Variants in BBOF1 observed in about 807,000 individuals in gnomAD.
BBOF1 encodes basal body-orientation factor 1.
In BBOF1, 62 loss-of-function variants were observed where a neutral mutation model predicts 68.0. The observed-to-expected ratio is 0.91, with a 90% confidence interval of 0.74 to 1.13. The LOEUF (loss-of-function observed/expected upper bound fraction) is 1.13. BBOF1 is among the 50% of genes most tolerant of loss of function. The probability of loss-of-function intolerance (pLI) is 0.00; values close to 1 mark genes in which losing one functional copy is unlikely to be tolerated. For missense variants in BBOF1, 534 were observed against 600.1 expected (o/e 0.89, Z 1.15); for synonymous variants, 208 against 198.8 (o/e 1.05, Z -0.39).
In BBOF1 at chr14:74,019,497, G is replaced by C; in HGVS notation, c.19G>C (p.Asp7His). 1.9e-6 allele frequency: 3 copies of C among 1,606,278 alleles called. No homozygotes were observed. Among genetic ancestry groups the C allele is most frequent in the Middle Eastern group, 1.7e-4 (1 of 6,046 alleles). MPSKGK[D>H]KKKGKSKGKD... Reference sequence around the variant, plus strand: ...AGCCAAGATGCCGTCGAAGGGAAAGGACAAAAAGAAAGGCAAGAGCAAAGG... The same window carrying C: ...AGCCAAGATGCCGTCGAAGGGAAAGCACAAAAAGAAAGGCAAGAGCAAAGG... The change falls in exon 1 of 12, where the codon GAC (aspartate) becomes CAC (histidine). Residue 7 changes from aspartate to histidine, a missense_variant. Physicochemically the swap from Asp to His is moderately conservative, Grantham distance 81. Transcript: ENST00000394009.
chr14:74,049,498 C>A (rs995239653), intron 7 of BBOF1, among the ~76,000 whole-genome samples: 2 of 152,000 alleles, frequency 1.3e-5, no homozygotes, highest in Non-Finnish European at 2.9e-5. Context: ...CCTGTCTCTA[C>A]TAAAATTGCA....
intron 9 of BBOF1, chr14:74,072,088 G>A (rs1322049624): frequency 1.5e-5 from 24 of 1,569,266 alleles, no homozygotes; most frequent in Non-Finnish European, 2.6e-6. Context: ...AGAGAGTCAT[G>A]ATCAACGTCT....
intron 5 of BBOF1, among the ~76,000 whole-genome samples, chr14:74,045,502 T>A (rs897440970): frequency 1.3e-5 from 2 of 151,862 alleles, no homozygotes; most frequent in Non-Finnish European, 2.9e-5. Flanking sequence ...AGAGCTGGGG[T>A]TTCTCCATGT....
intron 7 of BBOF1, chr14:74,048,600 TAGC>T (rs1251567649): frequency 1.3e-5 from 2 of 152,148 alleles, no homozygotes. Context: ...TTCCTTTAAA[TAGC>T]AGGAAGGAAG....
chr14:74,062,166 C>T (rs2060360656), intron 11 of BBOF1, among the ~76,000 whole-genome samples: 1 of 151,672 alleles, frequency 6.6e-6, no homozygotes, highest in Admixed American at 6.6e-5. Flanking sequence ...CATTGCACTC[C>T]AGCCTGGGCA....
chr14:74,025,471 A>C (rs2059402459), intron 2 of BBOF1, among the ~76,000 whole-genome samples: 3 of 152,192 alleles, frequency 2.0e-5, no homozygotes, highest in African/African-American at 7.2e-5. Flanking sequence ...ACTTTGTTTA[A>C]ACTGTTTATA....
intron 5 of BBOF1, among the ~76,000 whole-genome samples, chr14:74,043,056 G>A (rs1272145907): frequency 2.6e-5 from 4 of 152,082 alleles, no homozygotes; most frequent in African/African-American, 9.7e-5. Context: ...TTTCTCCTGT[G>A]CTGGTTTGAG....
intron 3 of BBOF1, among the ~76,000 whole-genome samples, chr14:74,031,537 C>T (rs1231134555): frequency 6.6e-6 from 1 of 152,078 alleles, no homozygotes; most frequent in African/African-American, 2.4e-5. Context: ...AAACAACAAA[C>T]ATGTATCTCT....
At position 74,078,664 on chromosome 14, in the gene BBOF1, A is replaced by T. The variant is rs551436018; in HGVS notation, n.1536+312A>T. ...TGCCTCAGCTTTCTGAGTAGCTGGG[A>T]TTACAGGCATGTGCCACCACATCCA... On this transcript the variant is annotated intron_variant and non_coding_transcript_variant, in intron 10 of 12. Transcript: ENST00000492026. 1.0e-3 allele frequency among the ~76,000 whole-genome samples: 156 copies of T among 152,146 alleles called. 2 individuals carry two copies. Among genetic ancestry groups the T allele is most frequent in the Admixed American group, 9.3e-3 (142 of 15,296 alleles).
intron 8 of BBOF1, 54 bp downstream of exon 8, chr14:74,050,249 A>G: frequency 1.3e-6 from 2 of 1,500,960 alleles, no homozygotes; most frequent in Non-Finnish European, 1.8e-6. Flanking sequence ...TGTCCTTTAC[A>G]GAAAGAGGAA....
At chr14:74,075,273 A>G (rs2060599955) in intron 9 of BBOF1, among the ~76,000 whole-genome samples, 1 of 152,140 alleles carries the variant, frequency 6.6e-6, no homozygotes, top group Non-Finnish European at 1.5e-5. Flanking sequence ...ATATTTTCCT[A>G]ATTTGGGCCT....
chr14:74,060,801 T>G (rs2060322934), intron 11 of BBOF1: 1 of 1,290,944 alleles, frequency 7.7e-7, no homozygotes, highest in African/African-American at 1.5e-5. Context: ...ATGATTCTTC[T>G]TTTAATTAGC....
chr14:74,065,828 G>A lies in BBOF1; in HGVS notation c.*1129G>A, dbSNP rs3742805. 0.12 allele frequency: 20,821 copies of A among 174,770 alleles called. 1,606 individuals carry two copies. The highest frequency in any genetic ancestry group is 0.2 in the Admixed American group (3,608 of 17,946). 10.8% of individuals were successfully genotyped at this position (174,770 alleles called of 1,614,324 possible). A position where few individuals can be genotyped will look rare whatever the true frequency, so the allele number is the denominator to read the frequency against. The stretch of plus-strand genomic sequence containing the variant: ...ACTCCTTTGCCTCCCAAATATGTCT[G>A]TATGTTTATATTTTGATATCAGGTC... On this transcript the variant is annotated 3_prime_UTR_variant, in exon 12 of 12. Transcript: ENST00000394009.
intron 3 of BBOF1, among the ~76,000 whole-genome samples, chr14:74,030,657 G>A (rs1176942187): frequency 2.0e-5 from 3 of 151,646 alleles, no homozygotes; most frequent in African/African-American, 4.8e-5. Context: ...CATCATGCCC[G>A]GCTAATTTTT....
At chr14:74,057,283 C>G in intron 11 of BBOF1, 25 bp downstream of exon 11, 1 of 1,614,046 alleles carries the variant, frequency 6.2e-7, no homozygotes, top group Non-Finnish European at 8.5e-7. Context: ...TCTAATCAAA[C>G]AATGTATATT....
In BBOF1 at chr14:74,071,475, A is replaced by G. The variant is rs750980792; in HGVS notation, n.1380-6721A>G. 2 of 1,614,064 alleles carry G rather than the reference A, an allele frequency of 1.2e-6. No homozygotes were observed. The highest frequency in any genetic ancestry group is 1.7e-5 in the Admixed American group (1 of 60,010). On this transcript the variant is annotated intron_variant and non_coding_transcript_variant, in intron 9 of 12. Transcript: ENST00000492026. ...TCTCTCCCATCATGAGGGATGTCACACTACAGGCATGCTCAACCACCTCTG... is the reference window on the plus strand; with the variant it reads ...TCTCTCCCATCATGAGGGATGTCACGCTACAGGCATGCTCAACCACCTCTG...
At chr14:74,072,381 G>A (rs1566833909) in intron 9 of BBOF1, 3 of 1,614,076 alleles carry the variant, frequency 1.9e-6, no homozygotes, top group Admixed American at 3.3e-5. Context: ...AGAAAAATAA[G>A]CACATGATCC....
At position 74,057,134 on chromosome 14, in the gene BBOF1, A is replaced by G; in HGVS notation, c.1464-10A>G. On this transcript the variant is annotated splice_polypyrimidine_tract_variant and intron_variant, in intron 10 of 11. Coordinates refer to ENST00000394009, the MANE Select transcript of BBOF1 (RefSeq NM_025057.3). ...TTGTTGACGGTTCTGTTATTTTGTC[A>G]TTATTGCAGGGATGAAAGTAAGCTT... The G allele has an allele frequency of 1.2e-6, 2 of 1,606,904 alleles. No individual in the cohort carries two copies. Among genetic ancestry groups the G allele is most frequent in the South Asian group, 1.1e-5 (1 of 90,558 alleles).
chr14:74,054,845 AT>A, intron 8 of BBOF1: 2 of 174,422 alleles, frequency 1.1e-5, no homozygotes, highest in Non-Finnish European at 2.5e-5. Flanking sequence ...TGCCCAGCTA[AT>A]TTTTGTATAT....
Sources: allele counts gnomAD v4.1 joint callset (sites outside exome capture counted in the v4.1 genomes callset), GRCh38; gene constraint gnomAD v4.1.1; transcripts MANE v1.5; gene names NCBI Gene and HGNC (gene_info 2026-07-23, HGNC 2026-07-21).